The following IQCM variants were observed in gnomAD, a reference collection of about 807,000 sequenced individuals.
IQCM encodes the protein IQ motif containing M.
In IQCM, 45 loss-of-function variants were observed where a neutral mutation model predicts 57.6. That is an observed-to-expected ratio of 0.78 (90% CI 0.62 to 1.00). IQCM has a LOEUF of 1.00. IQCM is among the 50% of genes least tolerant of loss of function. The pLI, the probability that IQCM is intolerant of heterozygous loss-of-function variation, is 0.00. For synonymous variants in IQCM, 148 were observed against 158.9 expected (o/e 0.93, Z 0.51); for missense variants, 468 against 511.6 (o/e 0.91, Z 0.82).
chr4:149,598,505 TAAC>T (rs1753980002), intron 8 of IQCM, among the ~76,000 whole-genome samples: 1 of 151,926 alleles, frequency 6.6e-6, no homozygotes. Flanking sequence ...CTTGGGCAAA[TAAC>T]AAGTACAAAA....
intron 13 of IQCM, among the ~76,000 whole-genome samples, chr4:149,432,246 T>A (rs1012534705): frequency 7.2e-5 from 11 of 151,898 alleles, no homozygotes; most frequent in African/African-American, 2.7e-4. Context: ...ATCTTAGCCT[T>A]TCTAATAAGT....
chr4:149,698,851 A>G (rs1038123213), intron 5 of IQCM, among the ~76,000 whole-genome samples: 1 of 152,084 alleles, frequency 6.6e-6, no homozygotes, highest in Non-Finnish European at 1.5e-5. Context: ...ATGACCCTCA[A>G]CAAGTTGTAT....
At chr4:149,727,739 G>A (rs1457931819) in intron 5 of IQCM, among the ~76,000 whole-genome samples, 1 of 152,122 alleles carries the variant, frequency 6.6e-6, no homozygotes, top group Non-Finnish European at 1.5e-5. Flanking sequence ...CTCAAGCCAG[G>A]AAGGAGTCCA....
intron 7 of IQCM, among the ~76,000 whole-genome samples, chr4:149,625,139 C>T (rs186957083): frequency 6.6e-6 from 1 of 152,088 alleles, no homozygotes; most frequent in East Asian, 1.9e-4. Context: ...ATAATCAAAC[C>T]CCAGAAGCTT....
rs527430856 is a variant in IQCM, at chr4:149,549,246, T to C, written c.1094-657A>G. On this transcript the variant is annotated intron_variant, in intron 11 of 13. Coordinates refer to ENST00000636793, the MANE Select transcript of IQCM (RefSeq NM_001363507.2). ...CAAGAAAATTGATGGCCGGGCGCGG[T>C]GGCTCACGCCTGTAATCCCAGCACT... 3.3e-5 allele frequency among the ~76,000 whole-genome samples: 5 copies of C among 152,306 alleles called. No individual in the cohort carries two copies. In the East Asian group the frequency reaches 7.7e-4, roughly 24 times the overall value.
intron 12 of IQCM, among the ~76,000 whole-genome samples, chr4:149,467,764 T>C (rs1271001893): frequency 6.6e-6 from 1 of 152,118 alleles, no homozygotes; most frequent in Non-Finnish European, 1.5e-5. Context: ...AGCTAACTGG[T>C]AGAGACAGAC....
chr4:149,637,740 G>A (rs1272427868), intron 7 of IQCM, among the ~76,000 whole-genome samples: 4 of 152,088 alleles, frequency 2.6e-5, no homozygotes, highest in Non-Finnish European at 5.9e-5. Context: ...TAATATCAAA[G>A]ACAAAGGTAC....
At chr4:149,527,426 C>A (rs951337306) in intron 12 of IQCM, among the ~76,000 whole-genome samples, 5 of 152,164 alleles carry the variant, frequency 3.3e-5, no homozygotes, top group Non-Finnish European at 5.9e-5. Context: ...TGGCACCTAA[C>A]AAGAGCTCTT....
rs538532843 is a variant in IQCM, at chr4:149,593,238, C to A, written c.682-5241G>T. ...AAGCAATTGTGAATGGGAGTTCACTCACGATTTGGCTCTCTGTTTGTCTGT... is the reference window on the plus strand; with the variant it reads ...AAGCAATTGTGAATGGGAGTTCACTAACGATTTGGCTCTCTGTTTGTCTGT... On this transcript the variant is annotated intron_variant, in intron 8 of 13. Transcript: ENST00000636793. Among the ~76,000 whole-genome samples the A allele has an allele frequency of 2.0e-5, 3 of 152,164 alleles. No homozygotes were observed. The South Asian group carries it at 6.2e-4, about 32-fold the overall frequency.
chr4:149,772,249 A>G (rs192972492), intron 2 of IQCM, among the ~76,000 whole-genome samples: 4 of 152,284 alleles, frequency 2.6e-5, no homozygotes, highest in Non-Finnish European at 5.9e-5. Context: ...AATAGTTCAT[A>G]AATAAATGGA....
At chr4:149,616,676 A>G (rs1755817361) in intron 8 of IQCM, among the ~76,000 whole-genome samples, 1 of 152,216 alleles carries the variant, frequency 6.6e-6, no homozygotes, top group South Asian at 2.1e-4. Context: ...TCTACTTAGA[A>G]CTTGGTGTTT....
chr4:149,525,932 TATAA>T (rs1746114880), intron 12 of IQCM, among the ~76,000 whole-genome samples: 1 of 151,682 alleles, frequency 6.6e-6, no homozygotes, highest in Admixed American at 6.6e-5. Flanking sequence ...AGACAAAAAT[TATAA>T]ATAGGCAATC....
At chr4:149,755,560 C>T (rs1768884023) in intron 2 of IQCM, among the ~76,000 whole-genome samples, 1 of 152,190 alleles carries the variant, frequency 6.6e-6, no homozygotes, top group African/African-American at 2.4e-5. Context: ...TTAAACACAC[C>T]TTCTCCATGA....
chr4:149,361,486 G>A (rs2110920686), intron 13 of IQCM, among the ~76,000 whole-genome samples: 1 of 152,250 alleles, frequency 6.6e-6, no homozygotes, highest in Non-Finnish European at 1.5e-5. Flanking sequence ...TTGTGGGCAG[G>A]GCCCAGGGTC....
chr4:149,364,459 A>G (rs1729700806), intron 13 of IQCM, among the ~76,000 whole-genome samples: 1 of 152,190 alleles, frequency 6.6e-6, no homozygotes, highest in Non-Finnish European at 1.5e-5. Context: ...AGAAGAGGAC[A>G]GAGTATATTC....
At chr4:149,806,009 G>A (rs1252565553) in intron 2 of IQCM, among the ~76,000 whole-genome samples, 1 of 151,832 alleles carries the variant, frequency 6.6e-6, no homozygotes, top group Non-Finnish European at 1.5e-5. Flanking sequence ...AAATATAATT[G>A]GAGTTGGTTT....
intron 5 of IQCM, among the ~76,000 whole-genome samples, chr4:149,703,921 A>G (rs895554418): frequency 3.3e-5 from 5 of 151,780 alleles, no homozygotes; most frequent in African/African-American, 1.2e-4. Context: ...CACATCTCAT[A>G]CTCACTGCTC....
Position 149,565,639 on chromosome 4 carries a change from A to G in IQCM, c.750-1749T>C, listed in dbSNP as rs1051769715. Among the ~76,000 whole-genome samples the G allele has an allele frequency of 2.6e-5, 4 of 152,162 alleles. No homozygotes were observed. The East Asian group carries it at 7.7e-4, about 29-fold the overall frequency. ...AAATTTTCATAAGAAGAATTTGTTGATCTTTTTTACTTCCTGACCTTCCTA... is the reference window on the plus strand; with the variant it reads ...AAATTTTCATAAGAAGAATTTGTTGGTCTTTTTTACTTCCTGACCTTCCTA... On this transcript the variant is annotated intron_variant, in intron 9 of 13. Coordinates refer to ENST00000636793, the MANE Select transcript of IQCM (RefSeq NM_001363507.2).
chr4:149,401,588 C>T (rs544425139), intron 13 of IQCM, among the ~76,000 whole-genome samples: 1 of 151,866 alleles, frequency 6.6e-6, no homozygotes, highest in Admixed American at 6.6e-5. Flanking sequence ...GCAAACATCT[C>T]ATGGAAATAT....
Sources: gnomAD v4.1 joint callset for allele counts (sites outside exome capture counted in the v4.1 genomes callset) on GRCh38, gnomAD v4.1.1 for gene constraint, MANE v1.5 for transcripts, NCBI Gene and HGNC (gene_info 2026-07-23, HGNC 2026-07-21) for gene names.